The following EPHA5 variants were observed in gnomAD, a reference collection of about 807,000 sequenced individuals.
The protein encoded by EPHA5 is ephrin type-A receptor 5.
In EPHA5, 60 loss-of-function variants were observed where a neutral mutation model predicts 105.0. The ratio of observed to expected loss-of-function variants is 0.57; its 90% CI spans 0.46 to 0.71. EPHA5 has a LOEUF of 0.71. Ranked by LOEUF, EPHA5 falls within the 30% of genes least tolerant of loss-of-function variation. The pLI, the probability that EPHA5 is intolerant of heterozygous loss-of-function variation, is 0.00. For synonymous variants in EPHA5, 513 were observed against 449.1 expected (o/e 1.14, Z -1.80); for missense variants, 1,218 against 1,274.7 (o/e 0.96, Z 0.68).
intron 15 of EPHA5, among the ~76,000 whole-genome samples, chr4:65,333,522 CGTGT>C (rs1720858065): frequency 2.4e-5 from 3 of 125,204 alleles, no homozygotes; most frequent in South Asian, 2.8e-4. Flanking sequence ...TGTGCGTGTG[CGTGT>C]GAGAGTGTGT....
rs137912656 is a variant in EPHA5, at chr4:65,557,140, T to C, written c.910+44501A>G. ...TATGGAATATTCTAGACTTGATTAT[T>C]GGGACTAAAGATGAAACCAGATTTG... On this transcript the variant is annotated intron_variant, in intron 3 of 16. Coordinates refer to ENST00000613740, the MANE Select transcript of EPHA5 (RefSeq NM_001281766.3). 7.8e-3 allele frequency among the ~76,000 whole-genome samples: 1,170 copies of C among 150,126 alleles called. 14 individuals are homozygous for C. The highest frequency in any genetic ancestry group is 0.027 in the African/African-American group (1,088 of 40,906).
chr4:65,324,848 T>G (rs1337896373), intron 16 of EPHA5, among the ~76,000 whole-genome samples: 1 of 150,762 alleles, frequency 6.6e-6, no homozygotes. Context: ...TATTACATGC[T>G]TTCAGAACAC....
intron 3 of EPHA5, among the ~76,000 whole-genome samples, chr4:65,560,844 C>G (rs1276734342): frequency 6.6e-6 from 1 of 151,920 alleles, no homozygotes; most frequent in Non-Finnish European, 1.5e-5. Flanking sequence ...TGCTTTCAGT[C>G]CTTTGAAAAA....
chr4:65,516,472 G>A (rs1734114378), intron 3 of EPHA5, among the ~76,000 whole-genome samples: 1 of 152,010 alleles, frequency 6.6e-6, no homozygotes, highest in African/African-American at 2.4e-5. Flanking sequence ...TTTAGGAACA[G>A]CAGAGGCAGT....
chr4:65,324,342 T>C (rs1577804277), intron 16 of EPHA5, 123 bp from the exon 17 acceptor site: 1 of 591,838 alleles, frequency 1.7e-6, no homozygotes. Context: ...AATTTAGACA[T>C]ACAGAGTCTA....
chr4:65,340,166 A>C (rs529368453), intron 14 of EPHA5, among the ~76,000 whole-genome samples: 1 of 152,264 alleles, frequency 6.6e-6, no homozygotes, highest in East Asian at 1.9e-4. Flanking sequence ...TAGCTGGTAC[A>C]AGCTTGTTGG....
chr4:65,379,299 A>C (rs777046638), intron 8 of EPHA5, among the ~76,000 whole-genome samples: 45 of 147,298 alleles, frequency 3.1e-4, no homozygotes, highest in Admixed American at 1.3e-3. Flanking sequence ...ACACACTCAC[A>C]CAGAATTCAC....
chr4:65,548,145 A>T (rs1737562590), intron 3 of EPHA5, among the ~76,000 whole-genome samples: 1 of 143,346 alleles, frequency 7.0e-6, no homozygotes, highest in Non-Finnish European at 1.5e-5. Context: ...TATTGGAGTT[A>T]TCAAAATGGA....
At chr4:65,442,220 C>T (rs1184974716) in intron 5 of EPHA5, among the ~76,000 whole-genome samples, 1 of 151,954 alleles carries the variant, frequency 6.6e-6, no homozygotes, top group East Asian at 1.9e-4. Context: ...GGTAATGAGG[C>T]TTCAGTGAGG....
At chr4:65,406,922 C>G (rs1722414108) in intron 7 of EPHA5, among the ~76,000 whole-genome samples, 1 of 151,938 alleles carries the variant, frequency 6.6e-6, no homozygotes, top group Non-Finnish European at 1.5e-5. Flanking sequence ...GTTACTAAAT[C>G]TTTCTTAACT....
At chr4:65,465,342 C>T (rs1018885495) in intron 5 of EPHA5, among the ~76,000 whole-genome samples, 9 of 151,720 alleles carry the variant, frequency 5.9e-5, no homozygotes, top group African/African-American at 1.9e-4. Flanking sequence ...AGGAGAATCG[C>T]TTGAACCCAG....
intron 2 of EPHA5, among the ~76,000 whole-genome samples, chr4:65,604,863 A>T (rs1161872515): frequency 6.6e-6 from 1 of 152,206 alleles, no homozygotes; most frequent in Non-Finnish European, 1.5e-5. Flanking sequence ...AGGCACAGAT[A>T]GGAATCAATA....
At chr4:65,525,510 G>T (rs912980045) in intron 3 of EPHA5, among the ~76,000 whole-genome samples, 2 of 151,664 alleles carry the variant, frequency 1.3e-5, no homozygotes, top group African/African-American at 4.8e-5. Context: ...CTCTTAAATT[G>T]TACAGATACA....
At chr4:65,630,911 A>C (rs1746570686) in intron 2 of EPHA5, among the ~76,000 whole-genome samples, 1 of 152,172 alleles carries the variant, frequency 6.6e-6, no homozygotes, top group African/African-American at 2.4e-5. Flanking sequence ...TTTCCTGGAA[A>C]CTGTCCCTGT....
At chr4:65,521,372 C>A (rs760011663) in intron 3 of EPHA5, among the ~76,000 whole-genome samples, 6 of 151,814 alleles carry the variant, frequency 4.0e-5, no homozygotes, top group Non-Finnish European at 5.9e-5. Flanking sequence ...CAGAGCCTGT[C>A]TTGAGGTCGG....
intron 3 of EPHA5, among the ~76,000 whole-genome samples, chr4:65,574,655 C>CATATATATATACAT (rs1560717488): frequency 2.4e-4 from 21 of 89,294 alleles, no homozygotes; most frequent in East Asian, 1.8e-3. Flanking sequence ...TATATATACA[C>CATATATATATACAT]ATATATATAT....
In EPHA5 at chr4:65,320,224, A is replaced by T. The variant is rs1413084609; in HGVS notation, c.*3890T>A. On this transcript the variant is annotated 3_prime_UTR_variant, in exon 17 of 17. Transcript: ENST00000613740. The stretch of plus-strand genomic sequence containing the variant: ...ATATAATTAACAGCACAATAGAGAA[A>T]ATTATTCAATGTAAACAGCTGTGCT... The T allele has an allele frequency of 4.3e-6, 1 of 229,966 alleles. No homozygotes were observed. The highest frequency in any genetic ancestry group is 8.6e-6 in the Non-Finnish European group (1 of 115,996). The allele number at this position is 229,966 out of a possible 1,614,324, so 14.2% of individuals were successfully genotyped here.
At chr4:65,666,875 G>T (rs1750011127) in intron 1 of EPHA5, among the ~76,000 whole-genome samples, 1 of 151,996 alleles carries the variant, frequency 6.6e-6, no homozygotes, top group Admixed American at 6.6e-5. Context: ...ATCTAACAAA[G>T]TTAAATTTAA....
intron 3 of EPHA5, among the ~76,000 whole-genome samples, chr4:65,555,648 C>T (rs1262385366): frequency 2.1e-5 from 3 of 140,334 alleles, no homozygotes; most frequent in African/African-American, 6.5e-5. Flanking sequence ...ACACATTTTT[C>T]GAAGCTGGGC....
Sources: allele counts gnomAD v4.1 joint callset (sites outside exome capture counted in the v4.1 genomes callset), GRCh38; gene constraint gnomAD v4.1.1; transcripts MANE v1.5; gene names NCBI Gene and HGNC (gene_info 2026-07-23, HGNC 2026-07-21).